Variants in TDP2 observed in about 807,000 individuals in gnomAD.
TDP2 encodes the protein 5'-Tyr-DNA phosphodiesterase.
In TDP2, 38 loss-of-function variants were observed where a neutral mutation model predicts 42.8. The ratio of observed to expected loss-of-function variants is 0.89; its 90% CI spans 0.68 to 1.16. The LOEUF (loss-of-function observed/expected upper bound fraction) is 1.16, where lower values mean the gene tolerates loss of function less well. Among genes scored for constraint, TDP2 ranks in the 50% most tolerant of loss-of-function variants. The pLI is 0.00. For synonymous variants in TDP2, 173 were observed against 150.6 expected, an observed-to-expected ratio of 1.15 and a Z score of -1.09; for missense variants, 439 against 439.3, an observed-to-expected ratio of 1.00 and a Z score of 0.01.
At chr6:24,665,425 C>G (rs1366571880) in intron 2 of TDP2, among the ~76,000 whole-genome samples, 1 of 152,126 alleles carries the variant, frequency 6.6e-6, no homozygotes, top group East Asian at 1.9e-4. Context: ...AAACAATTCC[C>G]CAACAAGAGG....
At chr6:24,651,127 A>T in intron 6 of TDP2, 58 bp from the exon 7 acceptor site, 1 of 1,060,784 alleles carries the variant, frequency 9.4e-7, no homozygotes, top group Non-Finnish European at 1.3e-6. Context: ...ACTAACTTAA[A>T]AAAAAAAAAA....
chr6:24,659,591 G>A (rs941667135), intron 2 of TDP2, among the ~76,000 whole-genome samples: 1 of 152,172 alleles, frequency 6.6e-6, no homozygotes, highest in African/African-American at 2.4e-5. Context: ...TAGAATAATT[G>A]TATAAACTAT....
chr6:24,654,382 T>C, intron 5 of TDP2, 30 bp downstream of exon 5: 1 of 1,112,970 alleles, frequency 9.0e-7, no homozygotes, highest in Non-Finnish European at 1.3e-6. Flanking sequence ...CTTTTTTTTA[T>C]AAAACACTCA....
At chr6:24,653,180 A>T in intron 5 of TDP2, 27 bp from the exon 6 acceptor site, 1 of 1,609,056 alleles carries the variant, frequency 6.2e-7, no homozygotes, top group South Asian at 1.1e-5. Context: ...AGTCATTAAA[A>T]CTGTCCACTG....
rs776653065 is a variant in TDP2, at chr6:24,666,831, C to T, written c.32G>A (p.Arg11Lys). The change falls in exon 1 of 7, where the codon AGG (arginine) becomes AAG (lysine). Residue 11 changes from arginine to lysine, a missense_variant. By Grantham distance (26) the Arg-to-Lys change is conservative (BLOSUM62 2). Transcript: ENST00000378198. MELGSCLEGG[R>K]EAAEEEGEPE... Reference sequence around the variant, plus strand: ...CTCGCCCTCTTCCTCCGCCGCCTCCCTCCCGCCCTCCAGGCAACTCCCCAA... The same window carrying T: ...CTCGCCCTCTTCCTCCGCCGCCTCCTTCCCGCCCTCCAGGCAACTCCCCAA... The T allele has an allele frequency of 6.2e-7, 1 of 1,614,126 alleles. No individual in the cohort carries two copies. Among genetic ancestry groups the T allele is most frequent in the East Asian group, 2.2e-5 (1 of 44,874 alleles).
chr6:24,655,249 C>T (rs1468714677), intron 4 of TDP2, among the ~76,000 whole-genome samples: 1 of 152,050 alleles, frequency 6.6e-6, no homozygotes, highest in Non-Finnish European at 1.5e-5. Context: ...AGATATAAAC[C>T]TGCAAGAACA....
chr6:24,665,938 C>G (rs1778225122), intron 2 of TDP2: 1 of 685,568 alleles, frequency 1.5e-6, no homozygotes, highest in African/African-American at 1.9e-5. Context: ...AGAAAATGAC[C>G]CGTTGGAAAA....
At chr6:24,665,937 C>A (rs1778225083) in intron 2 of TDP2, 1 of 675,748 alleles carries the variant, frequency 1.5e-6, no homozygotes. Flanking sequence ...GAGAAAATGA[C>A]CCGTTGGAAA....
intron 2 of TDP2, 76 bp from the exon 3 acceptor site, chr6:24,658,810 C>T (rs1778097031): frequency 1.4e-6 from 2 of 1,454,764 alleles, no homozygotes; most frequent in African/African-American, 1.4e-5. Context: ...ATTTGTAGCC[C>T]TCATTTTACA....
Position 24,654,430 on chromosome 6 carries a change from T to G in TDP2, c.618A>C (p.Arg206Ser). ...IIPFPSTKMM[R>S]NLLCVHVNVS... is the part of the protein sequence containing the mutation. ...TACTCACATGCACACATAAAAGGTT[T>G]CTCATCATTTTGGTACTTGGAAAAG... Residue 206 changes from arginine (R) to serine (S), a missense_variant, in exon 5 of 7, where the codon AGA becomes AGC. Transcript: ENST00000378198. 2 of 1,532,064 alleles carry G rather than the reference T, an allele frequency of 1.3e-6. No homozygotes were observed. The highest frequency in any genetic ancestry group is 1.8e-6 in the Non-Finnish European group (2 of 1,122,084). 94.9% of individuals were successfully genotyped at this position (1,532,064 alleles called of 1,614,324 possible).
At chr6:24,663,743 C>A (rs999873214) in intron 2 of TDP2, among the ~76,000 whole-genome samples, 1 of 152,160 alleles carries the variant, frequency 6.6e-6, no homozygotes, top group Non-Finnish European at 1.5e-5. Flanking sequence ...CTTCCTGAGG[C>A]CCAGCAGAGG....
intron 2 of TDP2, among the ~76,000 whole-genome samples, chr6:24,660,555 G>C (rs1374267808): frequency 4.6e-5 from 7 of 152,182 alleles, no homozygotes; most frequent in Non-Finnish European, 1.0e-4. Flanking sequence ...GCAGTTTGTT[G>C]TCAATAGAGA....
Position 24,666,870 on chromosome 6 carries a change from C to T in TDP2, c.-8G>A, listed in dbSNP as rs773676234. 3.7e-6 allele frequency: 6 copies of T among 1,613,122 alleles called. No individual in the cohort carries two copies. The South Asian group carries it at 5.5e-5, about 15-fold the overall frequency. On this transcript the variant is annotated 5_prime_UTR_variant, in exon 1 of 7. Coordinates refer to ENST00000378198, the MANE Select transcript of TDP2 (RefSeq NM_016614.3). ...GCAACTCCCCAACTCCATCTTCCTG[C>T]CGCCTCTGCACCGCCCCTTTAAGCG...
intron 4 of TDP2, among the ~76,000 whole-genome samples, chr6:24,656,078 T>C (rs1347763796): frequency 6.6e-6 from 1 of 151,170 alleles, no homozygotes; most frequent in Non-Finnish European, 1.5e-5. Flanking sequence ...ATAATCAAAA[T>C]AAACAAAAAG....
At chr6:24,666,092 TA>T (rs11456603) in intron 2 of TDP2, 252 of 1,468,752 alleles carry the variant, frequency 1.7e-4, no homozygotes, top group Admixed American at 7.2e-4. Flanking sequence ...AGGTGTGCAT[TA>T]AAAAAAAATA....
intron 2 of TDP2, chr6:24,666,283 C>T (rs1008122632): frequency 3.9e-6 from 6 of 1,537,530 alleles, no homozygotes; most frequent in Admixed American, 4.1e-5. Flanking sequence ...ATTACATTTC[C>T]ATCTTTTCCT....
At chr6:24,657,679 GTCT>G in intron 4 of TDP2, 130 bp downstream of exon 4, 1 of 433,500 alleles carries the variant, frequency 2.3e-6, no homozygotes, top group Non-Finnish European at 4.2e-6. Context: ...AGTATTCTGT[GTCT>G]TGCTTATTTT....
In TDP2 at chr6:24,654,589, C is replaced by T; in HGVS notation, c.518-59G>A. On this transcript the variant is annotated intron_variant, in intron 4 of 6. Coordinates refer to ENST00000378198, the MANE Select transcript of TDP2 (RefSeq NM_016614.3). ...GAAGGTGAGAGTTATTTTCAGTTTA[C>T]CACAAGTTTGCCTATTGAAGAATTT... 3 of 933,470 alleles carry T rather than the reference C, an allele frequency of 3.2e-6. No individual in the cohort carries two copies. In the South Asian group the frequency reaches 4.4e-5, roughly 14 times the overall value. 57.8% of individuals were successfully genotyped at this position (933,470 alleles called of 1,614,324 possible). A position where few individuals can be genotyped will look rare whatever the true frequency, so the allele number is the denominator to read the frequency against.
chr6:24,653,277 C>G (rs1778002754), intron 5 of TDP2, 124 bp from the exon 6 acceptor site: 2 of 977,406 alleles, frequency 2.0e-6, no homozygotes, highest in African/African-American at 3.3e-5. Context: ...GTAAAATCAG[C>G]ACTATGCCTA....
Sources: gnomAD v4.1 joint callset for allele counts (sites outside exome capture counted in the v4.1 genomes callset) on GRCh38, gnomAD v4.1.1 for gene constraint, MANE v1.5 for transcripts, NCBI Gene and HGNC (gene_info 2026-07-23, HGNC 2026-07-21) for gene names.